The following CRY2 variants were observed in gnomAD, a reference collection of about 807,000 sequenced individuals.
The protein encoded by CRY2 is cryptochrome circadian regulator 2, also known as cryptochrome-2.
In CRY2, 31 loss-of-function variants were observed where a neutral mutation model predicts 69.5. The ratio of observed to expected loss-of-function variants is 0.45; its 90% CI spans 0.34 to 0.60. The LOEUF is 0.60. Among genes scored for constraint, CRY2 ranks in the 20% least tolerant of loss-of-function variants. The pLI, the probability that CRY2 is intolerant of heterozygous loss-of-function variation, is 0.02. For synonymous variants in CRY2, 303 were observed against 312.2 expected, an observed-to-expected ratio of 0.97 and a Z score of 0.31; for missense variants, 606 against 797.8, an observed-to-expected ratio of 0.76 and a Z score of 2.90.
Position 45,847,475 on chromosome 11 carries a change from A to G in CRY2, c.-16A>G. ...ACCGGGGCGGAGCGGGGGTGGCTGGAGCAGTCTGGACAGTCATGGCGGCGA... is the reference window on the plus strand; with the variant it reads ...ACCGGGGCGGAGCGGGGGTGGCTGGGGCAGTCTGGACAGTCATGGCGGCGA... On this transcript the variant is annotated 5_prime_UTR_variant, in exon 1 of 12. Transcript: ENST00000616080. The G allele has an allele frequency of 2.5e-6, 4 of 1,599,776 alleles. No homozygotes were observed. Among genetic ancestry groups the G allele is most frequent in the Non-Finnish European group, 3.4e-6 (4 of 1,176,328 alleles).
Position 45,872,220 on chromosome 11 carries a change from A to G in CRY2, c.1771A>G (p.Lys591Glu), listed in dbSNP as rs1383534628. The part of the protein sequence containing the change: ...AELPTPELPS[K>E]DA ...GTTGCCAACCCCAGAGCTGCCGAGC[A>G]AGGATGCCTGAGAGTGAGTGACAGC... Residue 591 changes from lysine to glutamate, a missense_variant, in exon 11 of 12, where the codon AAG (lysine) becomes GAG (glutamate). This residue lies in a region of CRY2 where 173 missense variants were observed against 213.7 expected (regional missense o/e 0.81). Transcript: ENST00000616080. 2 of 1,613,968 alleles carry G rather than the reference A, an allele frequency of 1.2e-6. No homozygotes were observed. The highest frequency in any genetic ancestry group is 1.6e-4 in the Middle Eastern group (1 of 6,080).
In CRY2 at chr11:45,870,070, C is replaced by G. The variant is rs903372850; in HGVS notation, c.1212C>G (p.Leu404=). The change falls in exon 8 of 12, where the codon CTC becomes CTG. Residue 404 remains leucine (L), a synonymous_variant. Coordinates refer to ENST00000616080, the MANE Select transcript of CRY2 (RefSeq NM_021117.5). ...ESGVRVFDEL[L]LDADFSVNAG... ...CTATCTAGGTATTTGATGAGCTGCT[C>G]CTGGATGCAGATTTCAGCGTGAACG... 6.2e-7 allele frequency: 1 copy of G among 1,606,926 alleles called. No homozygotes were observed. The highest frequency in any genetic ancestry group is 1.3e-5 in the African/African-American group (1 of 74,772).
intron 5 of CRY2, among the ~76,000 whole-genome samples, chr11:45,863,383 G>A (rs545193275): frequency 2.8e-4 from 42 of 152,036 alleles, no homozygotes; most frequent in East Asian, 2.5e-3. Flanking sequence ...TTAGGTCACC[G>A]ACAGGAGCTC....
rs1409564279 is a variant in CRY2, at chr11:45,883,031, A to C, written c.*2120A>C. The C allele has an allele frequency of 2.2e-5, 6 of 276,336 alleles. No individual in the cohort carries two copies. The highest frequency in any genetic ancestry group is 2.7e-5 in the Non-Finnish European group (4 of 148,318). The allele number at this position is 276,336 out of a possible 1,614,324, so 17.1% of individuals were successfully genotyped here. On this transcript the variant is annotated 3_prime_UTR_variant, in exon 12 of 12. Transcript: ENST00000616080. Reference sequence around the variant, plus strand: ...GGTATGTCCAGTAGCCTGGAGCTCCATGGTGGCTTCATGCCTCCCTTCTCC... The same window carrying C: ...GGTATGTCCAGTAGCCTGGAGCTCCCTGGTGGCTTCATGCCTCCCTTCTCC...
At chr11:45,870,710 TG>T in intron 9 of CRY2, 131 bp from the exon 10 acceptor site, 3 of 1,089,760 alleles carry the variant, frequency 2.8e-6, no homozygotes, top group Non-Finnish European at 4.0e-6. Flanking sequence ...TGAGTAGTTG[TG>T]GGGCTGTGGG....
intron 1 of CRY2, among the ~76,000 whole-genome samples, chr11:45,847,998 C>T (rs887932132): frequency 6.6e-6 from 1 of 152,208 alleles, no homozygotes; most frequent in African/African-American, 2.4e-5. Flanking sequence ...CAAAGTCGAC[C>T]TGCCCAAGGA....
At position 45,847,698 on chromosome 11, in the gene CRY2, C is replaced by A; in HGVS notation, c.208C>A (p.Arg70=). Residue 70 remains arginine, a synonymous_variant, in exon 1 of 12, where the codon CGA becomes AGA. Transcript: ENST00000616080. The part of the protein sequence containing the change: ...FAASSSVGIN[R]WRFLLQSLED... ...GGCCTCCTCCTCAGTCGGGATCAACCGATGGAGGTGAGGGGACCCGGGGCT... is the reference window on the plus strand; with the variant it reads ...GGCCTCCTCCTCAGTCGGGATCAACAGATGGAGGTGAGGGGACCCGGGGCT... The A allele has an allele frequency of 2.5e-6, 4 of 1,569,356 alleles. No individual in the cohort carries two copies. The highest frequency in any genetic ancestry group is 2.4e-5 in the East Asian group (1 of 42,418).
chr11:45,856,132 C>G (rs1487375600), intron 2 of CRY2, 42 bp downstream of exon 2: 7 of 1,490,036 alleles, frequency 4.7e-6, no homozygotes, highest in Non-Finnish European at 6.5e-6. Context: ...AGATTCTGTC[C>G]CTGACGGTTT....
chr11:45,876,038 A>G (rs1193955512), intron 11 of CRY2, among the ~76,000 whole-genome samples: 1 of 152,164 alleles, frequency 6.6e-6, no homozygotes, highest in Admixed American at 6.5e-5. Flanking sequence ...GTATCATATT[A>G]TATTGGGTTG....
At chr11:45,864,506 A>G (rs2086313762) in intron 5 of CRY2, among the ~76,000 whole-genome samples, 2 of 152,014 alleles carry the variant, frequency 1.3e-5, no homozygotes, top group African/African-American at 4.8e-5. Context: ...TGTAGTGCCA[A>G]CTACTTGGGA....
At chr11:45,861,177 AC>A in intron 4 of CRY2, 145 bp downstream of exon 4, 1 of 806,902 alleles carries the variant, frequency 1.2e-6, no homozygotes, top group Non-Finnish European at 1.9e-6. Flanking sequence ...TTACTCCACC[AC>A]CCAGAGGTAA....
At chr11:45,859,514 A>G (rs1326341881) in intron 3 of CRY2, among the ~76,000 whole-genome samples, 2 of 151,122 alleles carry the variant, frequency 1.3e-5, no homozygotes, top group African/African-American at 4.9e-5. Flanking sequence ...ATGAGCTGTG[A>G]TCATGCCACG....
chr11:45,866,265 G>A (rs1031572664), intron 5 of CRY2, among the ~76,000 whole-genome samples: 22 of 152,218 alleles, frequency 1.4e-4, no homozygotes, highest in African/African-American at 5.1e-4. Flanking sequence ...TAGAGCTATG[G>A]ATGTGGTGGT....
rs563710222 is a variant in CRY2 at position 45,847,796 on chromosome 11, A to G, written c.215+91A>G. On this transcript the variant is annotated intron_variant, in intron 1 of 11. Transcript: ENST00000616080. Reference sequence around the variant, plus strand: ...ACAGCACGATCCCCCCAACCCCGCCACGGCTGGAAGGCCAGAGGGGAGAAG... The same window carrying G: ...ACAGCACGATCCCCCCAACCCCGCCGCGGCTGGAAGGCCAGAGGGGAGAAG... 23 of 1,430,372 alleles carry G rather than the reference A, an allele frequency of 1.6e-5. No homozygotes were observed. In the African/African-American group the frequency reaches 2.9e-4, roughly 18 times the overall value. The allele number at this position is 1,430,372 out of a possible 1,614,324, so 88.6% of individuals were successfully genotyped here. A position where few individuals can be genotyped will look rare whatever the true frequency, so the allele number is the denominator to read the frequency against.
intron 11 of CRY2, among the ~76,000 whole-genome samples, chr11:45,872,447 C>A (rs930569296): frequency 6.6e-6 from 1 of 152,024 alleles, no homozygotes; most frequent in Non-Finnish European, 1.5e-5. Context: ...ATCTGTGTGA[C>A]CTTTACCATT....
intron 5 of CRY2, among the ~76,000 whole-genome samples, chr11:45,866,501 G>A (rs1221345249): frequency 6.6e-6 from 1 of 152,202 alleles, no homozygotes; most frequent in Non-Finnish European, 1.5e-5. Flanking sequence ...CAGTTGGCAG[G>A]TATAGCGCTG....
chr11:45,862,256 A>C, intron 5 of CRY2, 108 bp downstream of exon 5: 1 of 1,050,786 alleles, frequency 9.5e-7, no homozygotes, highest in South Asian at 1.7e-5. Flanking sequence ...ATTGTTTGGA[A>C]AATGAAAAAT....
At chr11:45,873,044 C>T (rs996348790) in intron 11 of CRY2, among the ~76,000 whole-genome samples, 1 of 152,212 alleles carries the variant, frequency 6.6e-6, no homozygotes, top group Non-Finnish European at 1.5e-5. Context: ...CCTGTGGCCT[C>T]AGCTCTGCAC....
At chr11:45,857,857 G>A (rs2086254347) in intron 2 of CRY2, among the ~76,000 whole-genome samples, 1 of 152,218 alleles carries the variant, frequency 6.6e-6, no homozygotes, top group Non-Finnish European at 1.5e-5. Context: ...CTCGAATGAG[G>A]GATAACTGGC....
Sources: allele counts gnomAD v4.1 joint callset (sites outside exome capture counted in the v4.1 genomes callset), GRCh38; gene constraint gnomAD v4.1.1; regional missense constraint gnomAD v4.1.1; transcripts MANE v1.5; gene names NCBI Gene and HGNC (gene_info 2026-07-23, HGNC 2026-07-21).